Variants in ADGRG7 observed in about 807,000 individuals in gnomAD.
ADGRG7 encodes G-protein coupled receptor 128.
ADGRG7 carries 82 observed loss-of-function variants against 88.6 expected under a neutral mutation model. The observed-to-expected ratio is 0.93, with a 90% confidence interval of 0.77 to 1.11. ADGRG7 has a LOEUF of 1.11. ADGRG7 is among the 50% of genes most tolerant of loss of function. The pLI is 0.00. For missense variants in ADGRG7, 945 were observed against 953.4 expected (o/e 0.99, Z 0.12); for synonymous variants, 381 against 345.2 (o/e 1.10, Z -1.15).
rs1313305559 is a variant in ADGRG7 at position 100,668,991 on chromosome 3, A to G, written c.2022A>G (p.Leu674=). Reference sequence around the variant, plus strand: ...CCATGAAGAAGATTGTTAGCACATTATCTGTTGCAGTTGTTTTTGGAATTA... The same window carrying G: ...CCATGAAGAAGATTGTTAGCACATTGTCTGTTGCAGTTGTTTTTGGAATTA... ...VSSMKKIVST[L]SVAVVFGITW... Residue 674 remains leucine, a synonymous_variant, in exon 15 of 16, where the codon TTA becomes TTG. Transcript: ENST00000273352. 2.4e-5 allele frequency: 39 copies of G among 1,605,566 alleles called. No homozygotes were observed. Among genetic ancestry groups the G allele is most frequent in the Non-Finnish European group, 3.1e-5 (36 of 1,176,798 alleles).
At chr3:100,670,268 T>G (rs2094956789) in intron 15 of ADGRG7, among the ~76,000 whole-genome samples, 1 of 152,198 alleles carries the variant, frequency 6.6e-6, no homozygotes, top group Admixed American at 6.5e-5. Flanking sequence ...AAAGTTTGAC[T>G]TTCTGTGCCT....
intron 15 of ADGRG7, among the ~76,000 whole-genome samples, chr3:100,680,670 T>A (rs2094972067): frequency 6.6e-6 from 1 of 152,172 alleles, no homozygotes; most frequent in Non-Finnish European, 1.5e-5. Context: ...AACTTTTCGT[T>A]GTCAACTTGG....
chr3:100,665,937 C>A (rs2094951131), intron 14 of ADGRG7, among the ~76,000 whole-genome samples: 1 of 152,100 alleles, frequency 6.6e-6, no homozygotes, highest in Non-Finnish European at 1.5e-5. Context: ...TAACAAATTG[C>A]CCCAAAACTT....
At chr3:100,615,871 G>A (rs1013486837) in intron 1 of ADGRG7, among the ~76,000 whole-genome samples, 5 of 152,104 alleles carry the variant, frequency 3.3e-5, no homozygotes, top group Non-Finnish European at 5.9e-5. Flanking sequence ...ATGAAGCAAG[G>A]GAGCTGGACC....
At chr3:100,614,589 C>T (rs533243536) in intron 1 of ADGRG7, among the ~76,000 whole-genome samples, 1 of 152,202 alleles carries the variant, frequency 6.6e-6, no homozygotes, top group East Asian at 1.9e-4. Flanking sequence ...ACTTTATTGT[C>T]ACCAAACTAT....
intron 15 of ADGRG7, among the ~76,000 whole-genome samples, chr3:100,675,569 T>C (rs1038184584): frequency 4.6e-5 from 7 of 152,274 alleles, no homozygotes; most frequent in Middle Eastern, 3.4e-3. Context: ...TTTCTTTCTT[T>C]CTTTTTGATG....
intron 3 of ADGRG7, among the ~76,000 whole-genome samples, chr3:100,632,663 C>G (rs1244223498): frequency 6.6e-6 from 1 of 152,044 alleles, no homozygotes; most frequent in Admixed American, 6.6e-5. Flanking sequence ...AGTTGTTGTC[C>G]CAAGAAGGAG....
At chr3:100,658,037 T>C (rs1177441294) in intron 13 of ADGRG7, among the ~76,000 whole-genome samples, 1 of 152,206 alleles carries the variant, frequency 6.6e-6, no homozygotes. Flanking sequence ...TAATACCTAA[T>C]GGCCTACCTG....
intron 1 of ADGRG7, among the ~76,000 whole-genome samples, chr3:100,615,788 C>G (rs1707216359): frequency 1.3e-5 from 2 of 152,038 alleles, no homozygotes; most frequent in South Asian, 4.2e-4. Context: ...TAAAGTCAAC[C>G]ATATGAGGGG....
At chr3:100,618,484 C>T (rs1489943036) in intron 1 of ADGRG7, among the ~76,000 whole-genome samples, 1 of 152,170 alleles carries the variant, frequency 6.6e-6, no homozygotes, top group East Asian at 1.9e-4. Context: ...ATCATTTTCC[C>T]ATTTCTTGTT....
chr3:100,672,422 A>G (rs1680494), intron 15 of ADGRG7, among the ~76,000 whole-genome samples: 128,455 of 152,198 alleles, frequency 0.84, 57,580 homozygotes, highest in Non-Finnish European at 1. Flanking sequence ...CTGAGACATT[A>G]CTGAAGTTGC....
chr3:100,676,137 A>C (rs1015144773), intron 15 of ADGRG7, among the ~76,000 whole-genome samples: 1 of 151,610 alleles, frequency 6.6e-6, no homozygotes, highest in Non-Finnish European at 1.5e-5. Flanking sequence ...TTTCTTTACT[A>C]ATTTTGGTTT....
In ADGRG7 at chr3:100,655,078, T is replaced by C. The variant is rs2094935824; in HGVS notation, c.1623T>C (p.Phe541=). 6.2e-7 allele frequency: 1 copy of C among 1,614,058 alleles called. No homozygotes were observed. The highest frequency in any genetic ancestry group is 1.3e-5 in the African/African-American group (1 of 74,934). The change falls in exon 12 of 16, where the codon TTT becomes TTC. Residue 541 remains phenylalanine, a synonymous_variant. Transcript: ENST00000273352. The stretch of plus-strand genomic sequence containing the variant: ...TGCACTATTTTCTGTTAGTGACATT[T>C]ACCTGGAACGCACTCAGCGCTGCAC... ...ALLHYFLLVT[F]TWNALSAAQL...
intron 3 of ADGRG7, among the ~76,000 whole-genome samples, chr3:100,632,054 CTATTGTCTTGATTTT>C (rs1707466078): frequency 6.6e-6 from 1 of 152,006 alleles, no homozygotes; most frequent in South Asian, 2.1e-4. Context: ...CTATTGGTAA[CTATTGTCTTGATTTT>C]ACATGTTTTG....
rs551113217 is a variant in ADGRG7 at position 100,631,429 on chromosome 3, C to T, written c.334+620C>T. On this transcript the variant is annotated intron_variant, in intron 3 of 15. Coordinates refer to ENST00000273352, the MANE Select transcript of ADGRG7 (RefSeq NM_032787.3). ...ATTTCAGTGCCACATTGGGTAATGT[C>T]TTCTGAGTGTAGGCTTTAGGAATTC... 2.6e-5 allele frequency among the ~76,000 whole-genome samples: 4 copies of T among 152,234 alleles called. No homozygotes were observed. In the East Asian group the frequency reaches 7.7e-4, roughly 29 times the overall value.
intron 15 of ADGRG7, among the ~76,000 whole-genome samples, chr3:100,672,929 C>A (rs1163444519): frequency 3.3e-5 from 5 of 152,098 alleles, no homozygotes; most frequent in Non-Finnish European, 7.4e-5. Flanking sequence ...GATGGATAAG[C>A]TTTTTGATGT....
At chr3:100,688,901 T>C (rs2094988053) in intron 15 of ADGRG7, among the ~76,000 whole-genome samples, 1 of 152,234 alleles carries the variant, frequency 6.6e-6, no homozygotes, top group African/African-American at 2.4e-5. Context: ...GTCCACTTGG[T>C]GCAGAGCCGC....
chr3:100,612,514 T>G (rs1707168226), intron 1 of ADGRG7, among the ~76,000 whole-genome samples: 2 of 152,174 alleles, frequency 1.3e-5, no homozygotes, highest in African/African-American at 2.4e-5. Context: ...GAAAACATAA[T>G]TAAGCTTTAT....
At chr3:100,665,945 C>A (rs2094951142) in intron 14 of ADGRG7, among the ~76,000 whole-genome samples, 1 of 152,094 alleles carries the variant, frequency 6.6e-6, no homozygotes, top group African/African-American at 2.4e-5. Flanking sequence ...TGCCCCAAAA[C>A]TTAATGGTGA....
Sources: gnomAD v4.1 joint callset for allele counts (sites outside exome capture counted in the v4.1 genomes callset) on GRCh38, gnomAD v4.1.1 for gene constraint, MANE v1.5 for transcripts, NCBI Gene and HGNC (gene_info 2026-07-23, HGNC 2026-07-21) for gene names.